PRH1: variants seen among roughly 807,000 people sequenced by gnomAD.
PRH1 encodes salivary acidic proline-rich phosphoprotein 1/2.
A neutral mutation model predicts 7.9 loss-of-function variants in PRH1; 7 were observed. The observed-to-expected ratio is 0.89, with a 90% CI of 0.50 to 1.67. PRH1 has a LOEUF of 1.67. PRH1 is among the 40% of genes most tolerant of loss of function. The pLI is 0.00. For synonymous variants in PRH1, 45 were observed against 80.8 expected (o/e 0.56, Z 2.38); for missense variants, 109 against 223.6 (o/e 0.49, Z 3.27).
chr12:11,062,652 A>G (rs1296288111), intron 1 of PRH1, among the ~76,000 whole-genome samples: 1 of 152,076 alleles, frequency 6.6e-6, no homozygotes, highest in African/African-American at 2.4e-5. Context: ...CAGTGTTTGC[A>G]ATTTTTCCTT....
intron 1 of PRH1, among the ~76,000 whole-genome samples, chr12:11,090,417 T>C (rs1209155251): frequency 1.5e-4 from 16 of 104,152 alleles, no homozygotes; most frequent in East Asian, 2.4e-4. Flanking sequence ...TTAAAAGTGC[T>C]TTAGAAAGAA....
Position 11,171,388 on chromosome 12 carries a change from C to G in PRH1, n.39+34G>C, listed in dbSNP as rs376617841. 22 of 1,231,904 alleles carry G rather than the reference C, an allele frequency of 1.8e-5. No individual in the cohort carries two copies. In the African/African-American group the frequency reaches 3.4e-4, roughly 19 times the overall value. 76.3% of individuals were successfully genotyped at this position (1,231,904 alleles called of 1,614,324 possible). ...CCCGCGGCGGCTCCGTCCTCCTTGG[C>G]CGTCAGGGCCTCAAGCCCCGCCGCG... is the stretch of plus-strand genomic sequence containing the variant. On this transcript the variant is annotated intron_variant and non_coding_transcript_variant, in intron 1 of 1. Transcript: ENST00000541175.
chr12:11,024,631 C>T (rs1340098742), intron 1 of PRH1, among the ~76,000 whole-genome samples: 1 of 152,050 alleles, frequency 6.6e-6, no homozygotes, highest in East Asian at 1.9e-4. Flanking sequence ...CATATCTTTT[C>T]ACTTCTCTAT....
intron 1 of PRH1, among the ~76,000 whole-genome samples, chr12:11,160,000 C>T (rs1051902813): frequency 6.6e-6 from 1 of 152,184 alleles, no homozygotes; most frequent in African/African-American, 2.4e-5. Flanking sequence ...TTATCTTCAG[C>T]ATCAGCCACA....
intron 1 of PRH1, chr12:11,171,139 G>C: frequency 2.5e-6 from 1 of 393,940 alleles, no homozygotes; most frequent in Non-Finnish European, 4.5e-6. Context: ...GCTCTAAATG[G>C]TAAATGCCAC....
At chr12:11,133,517 A>G (rs1946438646) in intron 1 of PRH1, 1 of 1,614,198 alleles carries the variant, frequency 6.2e-7, no homozygotes, top group Admixed American at 1.7e-5. Context: ...GATCATGGAC[A>G]GAAAGTAAAT....
chr12:10,990,455 C>A (rs1383798224), intron 1 of PRH1, among the ~76,000 whole-genome samples: 3 of 152,178 alleles, frequency 2.0e-5, no homozygotes, highest in Admixed American at 6.5e-5. Context: ...AGAAATTACA[C>A]AAAGTCCAGT....
At chr12:11,065,775 T>C (rs545190496) in intron 1 of PRH1, among the ~76,000 whole-genome samples, 1 of 152,216 alleles carries the variant, frequency 6.6e-6, no homozygotes, top group African/African-American at 2.4e-5. Context: ...CTTCTTTTTG[T>C]AATACTTAGG....
At chr12:11,162,155 G>C (rs944797344) in intron 1 of PRH1, among the ~76,000 whole-genome samples, 42 of 152,062 alleles carry the variant, frequency 2.8e-4, no homozygotes, top group African/African-American at 8.2e-4. Context: ...ACATCCAGAG[G>C]GTAAAGCCAG....
intron 1 of PRH1, among the ~76,000 whole-genome samples, chr12:11,165,466 G>C (rs1264385658): frequency 6.6e-6 from 1 of 151,982 alleles, no homozygotes; most frequent in Non-Finnish European, 1.5e-5. Flanking sequence ...ATTTTCATTT[G>C]AGCTTCTTAT....
At chr12:10,899,166 T>C (rs1949689794) in intron 2 of PRH1, among the ~76,000 whole-genome samples, 1 of 152,242 alleles carries the variant, frequency 6.6e-6, no homozygotes. Flanking sequence ...CACAGGCTCA[T>C]AGCTGGAAGG....
chr12:11,100,690 G>A (rs184408690), intron 1 of PRH1, among the ~76,000 whole-genome samples: 14 of 152,186 alleles, frequency 9.2e-5, no homozygotes, highest in Non-Finnish European at 1.9e-4. Context: ...TATCACAAAT[G>A]CTTTTTCTCA....
intron 1 of PRH1, among the ~76,000 whole-genome samples, chr12:11,152,839 T>G (rs1947140746): frequency 1.3e-5 from 2 of 152,212 alleles, no homozygotes; most frequent in Admixed American, 6.5e-5. Context: ...TGTATTTTGA[T>G]GATCACCATG....
chr12:11,033,952 A>G (rs1942332985), intron 1 of PRH1, among the ~76,000 whole-genome samples: 1 of 151,878 alleles, frequency 6.6e-6, no homozygotes, highest in Non-Finnish European at 1.5e-5. Context: ...ATCCACCTCC[A>G]TTCCACTTTC....
chr12:10,912,104 T>C (rs1389254517), intron 2 of PRH1, among the ~76,000 whole-genome samples: 1 of 152,200 alleles, frequency 6.6e-6, no homozygotes, highest in Non-Finnish European at 1.5e-5. Flanking sequence ...TCATGTTGCA[T>C]ATAGAGATAG....
intron 1 of PRH1, among the ~76,000 whole-genome samples, chr12:11,057,080 C>T (rs1027441491): frequency 2.6e-5 from 4 of 152,040 alleles, no homozygotes; most frequent in African/African-American, 7.3e-5. Flanking sequence ...GATCATAGCC[C>T]ACTACAGCCT....
intron 1 of PRH1, among the ~76,000 whole-genome samples, chr12:11,156,681 T>C (rs1044894921): frequency 1.3e-5 from 2 of 152,170 alleles, no homozygotes; most frequent in Non-Finnish European, 2.9e-5. Context: ...ATTTTGGTGG[T>C]AGAAAGAAAC....
chr12:11,078,749 T>C (rs1411167070), intron 1 of PRH1: 1 of 152,080 alleles, frequency 6.6e-6, no homozygotes, highest in African/African-American at 2.4e-5. Context: ...CACACCAATA[T>C]GGATTTATTT....
At chr12:11,142,424 T>C (rs549337401) in intron 1 of PRH1, among the ~76,000 whole-genome samples, 2 of 152,318 alleles carry the variant, frequency 1.3e-5, no homozygotes, top group South Asian at 2.1e-4. Context: ...TGGAGGATTA[T>C]ACTTTCTGAT....
Sources: allele counts gnomAD v4.1 joint callset (sites outside exome capture counted in the v4.1 genomes callset), GRCh38; gene constraint gnomAD v4.1.1; transcripts MANE v1.5; gene names NCBI Gene and HGNC (gene_info 2026-07-23, HGNC 2026-07-21).